WDR35: variants seen among roughly 807,000 people sequenced by gnomAD.
WDR35 encodes WD repeat domain 35, also known as WD repeat-containing protein 35.
WDR35 carries 118 observed loss-of-function variants against 158.3 expected under a neutral mutation model. The observed-to-expected ratio is 0.75, with a 90% CI of 0.64 to 0.87. The LOEUF (loss-of-function observed/expected upper bound fraction) is 0.87. WDR35 is among the 40% of genes least tolerant of loss of function. The probability of loss-of-function intolerance (pLI) is 0.00; values close to 1 mark genes in which losing one functional copy is unlikely to be tolerated. For synonymous variants in WDR35, 448 were observed against 476.1 expected (o/e 0.94, Z 0.77); for missense variants, 1,263 against 1,405.8 (o/e 0.90, Z 1.62).
At chr2:19,965,452 C>T (rs1470623375) in intron 10 of WDR35, among the ~76,000 whole-genome samples, 2 of 152,180 alleles carry the variant, frequency 1.3e-5, no homozygotes, top group Non-Finnish European at 2.9e-5. Context: ...TCCCTGGGGA[C>T]TCTCAATCTC....
At chr2:19,915,799 G>T (rs1335950045) in intron 25 of WDR35, among the ~76,000 whole-genome samples, 2 of 151,652 alleles carry the variant, frequency 1.3e-5, no homozygotes, top group African/African-American at 2.4e-5. Context: ...AGATGTTTCT[G>T]ACAAATATCA....
In WDR35 at chr2:19,914,205, C is replaced by T. The variant is rs200385148; in HGVS notation, c.3194G>A (p.Cys1065Tyr). The change falls in exon 26 of 27, where the codon TGC (cysteine) becomes TAC (tyrosine). Residue 1065 changes from cysteine to tyrosine, a missense_variant. By Grantham distance (194) the Cys-to-Tyr change is radical (BLOSUM62 -2). Transcript: ENST00000281405. ...ACAAGTCCCAAAGGCTCTGCTGGCGCATGCGCAGAGTGCTAGCAGAGAGTA... is the reference window on the plus strand; with the variant it reads ...ACAAGTCCCAAAGGCTCTGCTGGCGTATGCGCAGAGTGCTAGCAGAGAGTA... ...EIYSLLALCA[C>Y]ASRAFGTCSK... 6.8e-6 allele frequency: 11 copies of T among 1,614,042 alleles called. No individual in the cohort carries two copies. The highest frequency in any genetic ancestry group is 1.1e-5 in the South Asian group (1 of 91,086).
At position 19,982,529 on chromosome 2, in the gene WDR35, C is replaced by T. The variant is rs761882157; in HGVS notation, c.148G>A (p.Ala50Thr). 2.5e-6 allele frequency: 4 copies of T among 1,613,614 alleles called. No individual in the cohort carries two copies. The highest frequency in any genetic ancestry group is 3.4e-6 in the Non-Finnish European group (4 of 1,179,804). Residue 50 changes from alanine to threonine, a missense_variant, in exon 3 of 27, where the codon GCA becomes ACA. Ala to Thr is a moderately conservative substitution (Grantham distance 58). Coordinates refer to ENST00000281405, the MANE Select transcript of WDR35 (RefSeq NM_020779.4). ...GGGGCTGCAAGGCCCCTCAATTTTG[C>T]ATCATCTAAAACAAAACAAAACAAA... ...VLKLETQTDD[A>T]KLRGLAAPSN...
intron 9 of WDR35, among the ~76,000 whole-genome samples, chr2:19,967,341 C>T (rs1054576358): frequency 6.6e-6 from 1 of 152,100 alleles, no homozygotes; most frequent in Non-Finnish European, 1.5e-5. Flanking sequence ...ATCAGAGTAA[C>T]ATATTCACAT....
rs139688758 is a variant in WDR35, at chr2:19,965,473, G to C, written c.1194+1251C>G. Among the ~76,000 whole-genome samples, 9 of 152,322 alleles carry C rather than the reference G, an allele frequency of 5.9e-5. No homozygotes were observed. In the East Asian group the frequency reaches 1.5e-3, roughly 26 times the overall value. ...GGGACTCTCAATCTCAGTATCTTTA[G>C]AAGGCTTTTCTCTTGAACAGGTCGA... On this transcript the variant is annotated intron_variant, in intron 10 of 26. Transcript: ENST00000281405.
rs201153804 is a variant in WDR35, at chr2:19,930,491, G to A, written c.3026C>T (p.Thr1009Ile). Residue 1009 changes from threonine to isoleucine, a missense_variant, in exon 25 of 27, where the codon ACA becomes ATA. By Grantham distance (89) the Thr-to-Ile change is moderately conservative. Coordinates refer to ENST00000281405, the MANE Select transcript of WDR35 (RefSeq NM_020779.4). ...CTCTGCCCCTCTCCATGCATTATCTGTGAAACGATCTGTTGTAGACAGAAC... is the reference window on the plus strand; with the variant it reads ...CTCTGCCCCTCTCCATGCATTATCTATGAAACGATCTGTTGTAGACAGAAC... ...EEVLSTTDRF[T>I]DNAWRGAEAY... 3 of 1,614,150 alleles carry A rather than the reference G, an allele frequency of 1.9e-6. No homozygotes were observed. Among genetic ancestry groups the A allele is most frequent in the Non-Finnish European group, 2.5e-6 (3 of 1,180,020 alleles).
chr2:19,936,414 T>C (rs1426354707), intron 19 of WDR35, 49 bp from the exon 20 acceptor site: 1 of 1,612,694 alleles, frequency 6.2e-7, no homozygotes, highest in East Asian at 2.2e-5. Context: ...GACAAATATT[T>C]ACCAAGAGCC....
At chr2:19,968,034 C>T (rs920073798) in intron 9 of WDR35, among the ~76,000 whole-genome samples, 1 of 152,142 alleles carries the variant, frequency 6.6e-6, no homozygotes, top group Non-Finnish European at 1.5e-5. Flanking sequence ...CCTTGCTTTT[C>T]ATGACCTCAA....
intron 10 of WDR35, among the ~76,000 whole-genome samples, chr2:19,961,401 A>C (rs1414126008): frequency 3.3e-5 from 5 of 152,262 alleles, no homozygotes; most frequent in Non-Finnish European, 7.3e-5. Context: ...CAACTGGCTC[A>C]GCTCACACAA....
chr2:19,989,976 C>A lies in WDR35; in HGVS notation c.24+16G>T, dbSNP rs1443549307. On this transcript the variant is annotated intron_variant, in intron 1 of 26. Coordinates refer to ENST00000281405, the MANE Select transcript of WDR35 (RefSeq NM_020779.4). ...GGGAATGGCGGAGAAACGAGGACGCCCCCCAGGAAACTCACTTTCTTGCTC... is the reference window on the plus strand; with the variant it reads ...GGGAATGGCGGAGAAACGAGGACGCACCCCAGGAAACTCACTTTCTTGCTC... 6.2e-7 allele frequency: 1 copy of A among 1,613,726 alleles called. No homozygotes were observed. The highest frequency in any genetic ancestry group is 8.5e-7 in the Non-Finnish European group (1 of 1,179,848).
intron 10 of WDR35, among the ~76,000 whole-genome samples, chr2:19,963,123 C>G (rs1671717500): frequency 6.6e-6 from 1 of 152,140 alleles, no homozygotes; most frequent in South Asian, 2.1e-4. Flanking sequence ...CTTTCATTCC[C>G]TTTTCCACCC....
At chr2:19,956,688 T>C (rs1671448317) in intron 11 of WDR35, among the ~76,000 whole-genome samples, 1 of 149,718 alleles carries the variant, frequency 6.7e-6, no homozygotes, top group East Asian at 2.0e-4. Flanking sequence ...TGGCACGGTC[T>C]CGACTCACTG....
At chr2:19,978,185 C>CACACACACAG (rs1419179053) in intron 5 of WDR35, among the ~76,000 whole-genome samples, 2 of 145,190 alleles carry the variant, frequency 1.4e-5, no homozygotes, top group Non-Finnish European at 3.0e-5. Flanking sequence ...AAGTTACACA[C>CACACACACAG]ACACACACAG....
chr2:19,953,915 G>A lies in WDR35; in HGVS notation c.1319C>T (p.Thr440Ile), dbSNP rs374739366. 5 of 1,613,980 alleles carry A rather than the reference G, an allele frequency of 3.1e-6. No homozygotes were observed. In the African/African-American group the frequency reaches 6.7e-5, roughly 22 times the overall value. ...CTTCTTTGCCACACGATATTGCCAG[G>A]TATAAAATGCTTCTTTCGAGGCTGC... ...VIAASKEAFY[T>I]WQYRVAKKLT... The change falls in exon 12 of 27, where the codon ACC (threonine) becomes ATC (isoleucine). Residue 440 changes from threonine to isoleucine, a missense_variant. Coordinates refer to ENST00000281405, the MANE Select transcript of WDR35 (RefSeq NM_020779.4).
chr2:19,976,609 A>G (rs1672220989), intron 5 of WDR35, among the ~76,000 whole-genome samples: 1 of 152,022 alleles, frequency 6.6e-6, no homozygotes, highest in Non-Finnish European at 1.5e-5. Flanking sequence ...CTGAGAAAAT[A>G]AATTTCTGTT....
chr2:19,951,022 T>A (rs1572341458), intron 13 of WDR35, among the ~76,000 whole-genome samples: 1 of 152,310 alleles, frequency 6.6e-6, no homozygotes, highest in East Asian at 1.9e-4. Context: ...CATATTTTCA[T>A]AAAGAAACAG....
At chr2:19,985,901 A>G (rs1349727496) in intron 2 of WDR35, among the ~76,000 whole-genome samples, 10 of 84,134 alleles carry the variant, frequency 1.2e-4, no homozygotes, top group East Asian at 1.1e-3. Flanking sequence ...CATCTCGGGA[A>G]AAAAAAAAAA....
At chr2:19,927,091 G>A (rs1036768749) in intron 25 of WDR35, among the ~76,000 whole-genome samples, 2 of 152,192 alleles carry the variant, frequency 1.3e-5, no homozygotes, top group Non-Finnish European at 2.9e-5. Context: ...AGCTATGATA[G>A]CTGTTATCAC....
intron 10 of WDR35, 48 bp downstream of exon 10, chr2:19,966,676 C>G: frequency 6.3e-7 from 1 of 1,598,808 alleles, no homozygotes; most frequent in Non-Finnish European, 8.6e-7. Context: ...AAAACTATAA[C>G]CCAAGCAGTT....
Sources: allele counts gnomAD v4.1 joint callset (sites outside exome capture counted in the v4.1 genomes callset), GRCh38; gene constraint gnomAD v4.1.1; transcripts MANE v1.5; gene names NCBI Gene and HGNC (gene_info 2026-07-23, HGNC 2026-07-21).